Variants in SFMBT2 observed in about 807,000 individuals in gnomAD.
SFMBT2 encodes the protein Scm like with four mbt domains 2.
Under a neutral mutation model 110.1 loss-of-function variants are expected in SFMBT2, and 38 were observed. That is an observed-to-expected ratio of 0.35 (90% CI 0.27 to 0.45). The LOEUF (loss-of-function observed/expected upper bound fraction) is 0.45. Among genes scored for constraint, SFMBT2 ranks in the 20% least tolerant of loss-of-function variants. SFMBT2 has a pLI of 1.00. For missense variants in SFMBT2, 1,011 were observed against 1,094.9 expected, an observed-to-expected ratio of 0.92 and a Z score of 1.08; for synonymous variants, 425 against 425.4, an observed-to-expected ratio of 1.00 and a Z score of 0.01.
chr10:7,184,764 G>A (rs942502906), intron 16 of SFMBT2, among the ~76,000 whole-genome samples: 3 of 152,062 alleles, frequency 2.0e-5, no homozygotes, highest in Non-Finnish European at 2.9e-5. Context: ...GTGTGGGAGC[G>A]GAGGACGAGG....
rs373461098 is a variant in SFMBT2 at position 7,311,110 on chromosome 10, G to A, written c.437-25156C>T. On this transcript the variant is annotated intron_variant, in intron 4 of 20. Coordinates refer to ENST00000397167, the MANE Select transcript of SFMBT2 (RefSeq NM_001387889.1). ...CAAAACAAACTAAACTGTCAGCCAG[G>A]GTTACAATTACAAAGTTTCCCCTAA... 1.2e-4 allele frequency among the ~76,000 whole-genome samples: 17 copies of A among 145,954 alleles called. No homozygotes were observed. In the East Asian group the frequency reaches 3.3e-3, roughly 28 times the overall value.
chr10:7,210,455 T>C (rs1361763626), intron 11 of SFMBT2, among the ~76,000 whole-genome samples: 1 of 152,126 alleles, frequency 6.6e-6, no homozygotes, highest in Non-Finnish European at 1.5e-5. Flanking sequence ...AAGCCCACCA[T>C]GAGGAGGCAA....
chr10:7,237,583 TA>T (rs1180831300), intron 9 of SFMBT2, among the ~76,000 whole-genome samples: 1 of 152,090 alleles, frequency 6.6e-6, no homozygotes, highest in African/African-American at 2.4e-5. Flanking sequence ...GGTGAAGGGC[TA>T]GGGGTGGGAG....
intron 4 of SFMBT2, among the ~76,000 whole-genome samples, chr10:7,360,926 GACAAT>G (rs1844694983): frequency 6.6e-6 from 1 of 152,158 alleles, no homozygotes; most frequent in Admixed American, 6.5e-5. Context: ...ATGGCTTTTT[GACAAT>G]ACAATACTAA....
At chr10:7,364,110 C>T (rs972051672) in intron 4 of SFMBT2, among the ~76,000 whole-genome samples, 2 of 152,180 alleles carry the variant, frequency 1.3e-5, no homozygotes, top group African/African-American at 2.4e-5. Flanking sequence ...GGCTACAAAG[C>T]AATAATTATT....
chr10:7,366,145 G>A (rs572211829), intron 4 of SFMBT2, among the ~76,000 whole-genome samples: 1 of 152,274 alleles, frequency 6.6e-6, no homozygotes, highest in African/African-American at 2.4e-5. Context: ...GGAGGAGGAT[G>A]CGGAAAGGAA....
chr10:7,399,926 A>G (rs949513356), intron 1 of SFMBT2, among the ~76,000 whole-genome samples: 6 of 152,226 alleles, frequency 3.9e-5, no homozygotes, highest in African/African-American at 7.2e-5. Context: ...AGAGACTGAA[A>G]GAAGGGAATA....
Position 7,401,213 on chromosome 10 carries a change from A to C in SFMBT2, c.-52+9648T>G, listed in dbSNP as rs773616463. Among the ~76,000 whole-genome samples, 22 of 152,284 alleles carry C rather than the reference A, an allele frequency of 1.4e-4. No homozygotes were observed. The Middle Eastern group carries it at 0.01, about 71-fold the overall frequency. On this transcript the variant is annotated intron_variant, in intron 1 of 20. Coordinates refer to ENST00000397167, the MANE Select transcript of SFMBT2 (RefSeq NM_001387889.1). Reference sequence around the variant, plus strand: ...CTCTCAAGCACGCACCTTTTTACGCACTTGGGACCTTAAAAGGCTCCTTTT... The same window carrying C: ...CTCTCAAGCACGCACCTTTTTACGCCCTTGGGACCTTAAAAGGCTCCTTTT...
At chr10:7,400,110 G>A (rs1846032550) in intron 1 of SFMBT2, among the ~76,000 whole-genome samples, 1 of 152,110 alleles carries the variant, frequency 6.6e-6, no homozygotes, top group Admixed American at 6.5e-5. Context: ...CTGGGAAATG[G>A]GCAGGAGAAC....
At position 7,392,983 on chromosome 10, in the gene SFMBT2, TTATATATATATATATATATATATA is replaced by T. The variant is rs760008467; in HGVS notation, c.-51-11058_-51-11035del. On this transcript the variant is annotated intron_variant, in intron 1 of 20. Coordinates refer to ENST00000397167, the MANE Select transcript of SFMBT2 (RefSeq NM_001387889.1). ...CTATATATACAAGTATGTGGATAGA[TTATATATATATATATATATATATA>T]TATATATATATATATATATATATAT... Among the ~76,000 whole-genome samples, 242 of 59,950 alleles carry T rather than the reference TTATATATATATATATATATATATA, an allele frequency of 4.0e-3. 13 individuals are homozygous for T. Among genetic ancestry groups the T allele is most frequent in the African/African-American group, 8.3e-3 (177 of 21,260 alleles). The allele number at this position is 59,950 out of a possible 152,430, so 39.3% of individuals were successfully genotyped here.
At chr10:7,307,611 G>C (rs1248838060) in intron 4 of SFMBT2, among the ~76,000 whole-genome samples, 3 of 152,270 alleles carry the variant, frequency 2.0e-5, no homozygotes, top group Non-Finnish European at 4.4e-5. Context: ...TAGGACAACT[G>C]GTTTATCCGT....
chr10:7,390,299 T>A (rs1845730049), intron 1 of SFMBT2, among the ~76,000 whole-genome samples: 1 of 152,226 alleles, frequency 6.6e-6, no homozygotes, highest in Non-Finnish European at 1.5e-5. Context: ...CCATCAATTC[T>A]TGGCTGTCTT....
chr10:7,274,221 T>C (rs2131818128), intron 7 of SFMBT2, among the ~76,000 whole-genome samples: 1 of 152,248 alleles, frequency 6.6e-6, no homozygotes, highest in African/African-American at 2.4e-5. Flanking sequence ...GTGCAGTCGC[T>C]CACACCTGTT....
intron 1 of SFMBT2, among the ~76,000 whole-genome samples, chr10:7,399,851 C>T (rs935308668): frequency 1.3e-5 from 2 of 152,188 alleles, no homozygotes; most frequent in African/African-American, 2.4e-5. Flanking sequence ...TTTCCACTCA[C>T]CTTCCTTGTT....
At chr10:7,207,976 A>G (rs184939894) in intron 11 of SFMBT2, among the ~76,000 whole-genome samples, 3 of 152,358 alleles carry the variant, frequency 2.0e-5, no homozygotes, top group Admixed American at 2.0e-4. Flanking sequence ...TAATTTAAAG[A>G]ATATAGAATT....
chr10:7,276,281 G>A (rs1269390867), intron 7 of SFMBT2, among the ~76,000 whole-genome samples: 3 of 152,128 alleles, frequency 2.0e-5, no homozygotes, highest in Admixed American at 6.5e-5. Flanking sequence ...TTTACTAAAT[G>A]TCAAAATTAG....
chr10:7,370,168 C>A (rs1000839718), intron 3 of SFMBT2, 113 bp downstream of exon 3: 1 of 930,364 alleles, frequency 1.1e-6, no homozygotes, highest in Admixed American at 2.1e-5. Flanking sequence ...TGCCTGGCCA[C>A]GAATTTCCCT....
At chr10:7,294,819 T>C (rs1842357331) in intron 4 of SFMBT2, among the ~76,000 whole-genome samples, 1 of 152,218 alleles carries the variant, frequency 6.6e-6, no homozygotes, top group Non-Finnish European at 1.5e-5. Context: ...TTTTCACTAA[T>C]CTGAAGCATA....
chr10:7,313,003 T>G (rs117832128), intron 4 of SFMBT2, among the ~76,000 whole-genome samples: 5,025 of 152,074 alleles, frequency 0.033, 123 homozygotes, highest in Non-Finnish European at 0.054. Flanking sequence ...ATAAACTAAA[T>G]AAAACACTGA....
Sources: allele counts gnomAD v4.1 joint callset (sites outside exome capture counted in the v4.1 genomes callset), GRCh38; gene constraint gnomAD v4.1.1; transcripts MANE v1.5; gene names NCBI Gene and HGNC (gene_info 2026-07-23, HGNC 2026-07-21).